The following MPPED1 variants were observed in gnomAD, a reference collection of about 807,000 sequenced individuals.
MPPED1 encodes the protein metallophosphoesterase domain containing 1, also known as metallophosphoesterase domain-containing protein 1.
A neutral mutation model predicts 36.2 loss-of-function variants in MPPED1; 16 were observed. The ratio of observed to expected loss-of-function variants is 0.44; its 90% CI spans 0.30 to 0.67. MPPED1 has a LOEUF of 0.67. Among genes scored for constraint, MPPED1 ranks in the 30% least tolerant of loss-of-function variants. The probability of loss-of-function intolerance (pLI) is 0.10; values close to 1 mark genes in which losing one functional copy is unlikely to be tolerated. For synonymous variants in MPPED1, 199 were observed against 191.3 expected (o/e 1.04, Z -0.33); for missense variants, 307 against 453.4 (o/e 0.68, Z 2.93).
intron 3 of MPPED1, among the ~76,000 whole-genome samples, chr22:43,460,215 A>AAACAAC: frequency 9.1e-6 from 1 of 109,624 alleles, no homozygotes; most frequent in Non-Finnish European, 1.9e-5. Flanking sequence ...CAAAAAACAA[A>AAACAAC]AACAAAAACA....
rs748333149 is a variant in MPPED1, at chr22:43,424,933, C to T, written c.-53C>T. ...TCTGTTTCCAGGTCTGGCGGGGGGC[C>T]GGGCTGCGGTGGCGGCAGCGGTGGG... On this transcript the variant is annotated 5_prime_UTR_variant, in exon 2 of 7. Transcript: ENST00000443721. The T allele has an allele frequency of 4.8e-4, 747 of 1,541,050 alleles. 1 individual carries two copies. The highest frequency in any genetic ancestry group is 5.2e-4 in the Non-Finnish European group (591 of 1,145,240).
chr22:43,416,977 A>G, intron 1 of MPPED1: 3 of 985,402 alleles, frequency 3.0e-6, no homozygotes, highest in Non-Finnish European at 3.6e-6. Flanking sequence ...TTAAAGGAAT[A>G]AGTGAGCAGC....
At chr22:43,417,704 C>G (rs569392318) in intron 1 of MPPED1, 1 of 196,512 alleles carries the variant, frequency 5.1e-6, no homozygotes, top group East Asian at 1.4e-4. Flanking sequence ...CATTTCGCCA[C>G]ATTGCAACAA....
chr22:43,494,513 C>T (rs548949632), intron 4 of MPPED1, among the ~76,000 whole-genome samples: 26 of 152,178 alleles, frequency 1.7e-4, no homozygotes, highest in Non-Finnish European at 3.4e-4. Flanking sequence ...GCCAGTTTCT[C>T]TATGTTATCA....
In MPPED1 at chr22:43,454,787, G is replaced by A. The variant is rs58646520; in HGVS notation, c.406+19572G>A. 5.1e-3 allele frequency among the ~76,000 whole-genome samples: 772 copies of A among 152,268 alleles called. 5 individuals are homozygous for A. The highest frequency in any genetic ancestry group is 0.018 in the African/African-American group (745 of 41,542). ...GCTGGTCTCGAACTCATGACCTCAG[G>A]TGATATGCTTGCTTCAGCCTCCCAG... On this transcript the variant is annotated intron_variant, in intron 3 of 6. Transcript: ENST00000443721.
intron 1 of MPPED1, chr22:43,419,263 G>A (rs971399688): frequency 3.9e-5 from 6 of 152,198 alleles, no homozygotes; most frequent in Non-Finnish European, 5.9e-5. Context: ...ATAAAAAGCC[G>A]ACTGTGTGTT....
At chr22:43,499,749 A>ATGGTGGAGGTGGTGG (rs1238761395) in intron 5 of MPPED1, among the ~76,000 whole-genome samples, 2 of 7,224 alleles carry the variant, frequency 2.8e-4, no homozygotes, top group African/African-American at 3.6e-4. Context: ...GGTGGTGGTG[A>ATGGTGGAGGTGGTGG]TGGTGATGGA....
At chr22:43,469,979 A>G (rs1931310934) in intron 3 of MPPED1, among the ~76,000 whole-genome samples, 1 of 152,022 alleles carries the variant, frequency 6.6e-6, no homozygotes, top group Admixed American at 6.6e-5. Flanking sequence ...CCATCCATCC[A>G]TCTACCCACC....
intron 4 of MPPED1, among the ~76,000 whole-genome samples, chr22:43,481,276 A>G (rs966690530): frequency 1.3e-5 from 2 of 152,138 alleles, no homozygotes; most frequent in African/African-American, 4.8e-5. Flanking sequence ...CCATGTGTAG[A>G]AAGCCTATCC....
rs1932829093 is a variant in MPPED1 at position 43,507,282 on chromosome 22, G to T, written c.*1666G>T. On this transcript the variant is annotated 3_prime_UTR_variant, in exon 7 of 7. Coordinates refer to ENST00000443721, the MANE Select transcript of MPPED1 (RefSeq NM_001044370.2). ...TTGTATTTTTATTTTTAAGGGTCCT[G>T]TTCAAAACTGGTGTGAGCTCTGAGG... is the stretch of plus-strand genomic sequence containing the variant. 6.6e-6 allele frequency: 1 copy of T among 152,200 alleles called. No individual in the cohort carries two copies. The highest frequency in any genetic ancestry group is 2.4e-5 in the African/African-American group (1 of 41,442). The allele number at this position is 152,200 out of a possible 1,614,324, so 9.4% of individuals were successfully genotyped here.
chr22:43,416,031 A>G (rs1197659602), intron 1 of MPPED1, among the ~76,000 whole-genome samples: 4 of 152,206 alleles, frequency 2.6e-5, no homozygotes, highest in African/African-American at 9.6e-5. Flanking sequence ...CCTGCAAAAT[A>G]TATTGCACTG....
chr22:43,458,433 G>A (rs974035337), intron 3 of MPPED1, among the ~76,000 whole-genome samples: 1 of 151,816 alleles, frequency 6.6e-6, no homozygotes, highest in African/African-American at 2.4e-5. Flanking sequence ...TTACAGGCAC[G>A]TGCCACCACA....
chr22:43,485,274 G>A (rs144822596), intron 4 of MPPED1, among the ~76,000 whole-genome samples: 111 of 150,258 alleles, frequency 7.4e-4, no homozygotes, highest in African/African-American at 2.4e-3. Flanking sequence ...ACATCCACAC[G>A]CTCAAACACA....
chr22:43,436,617 C>G (rs116887143), intron 3 of MPPED1, among the ~76,000 whole-genome samples: 3,255 of 152,378 alleles, frequency 0.021, 39 homozygotes, highest in Non-Finnish European at 0.027. Flanking sequence ...CACACTGGCT[C>G]CAGTTCTGGG....
chr22:43,501,430 G>C (rs28608705), intron 5 of MPPED1, among the ~76,000 whole-genome samples: 1 of 151,148 alleles, frequency 6.6e-6, no homozygotes, highest in Non-Finnish European at 1.5e-5. Flanking sequence ...CTCCAAACAT[G>C]GTGTCGTTTG....
chr22:43,500,190 A>G (rs1207728581), intron 5 of MPPED1, among the ~76,000 whole-genome samples: 116 of 11,166 alleles, frequency 0.01, 8 homozygotes, highest in Non-Finnish European at 0.011. Context: ...GGTGATGGTG[A>G]TGGAGGTGGT....
intron 3 of MPPED1, among the ~76,000 whole-genome samples, chr22:43,455,494 G>C (rs1011177002): frequency 3.3e-5 from 5 of 152,090 alleles, no homozygotes; most frequent in Non-Finnish European, 7.4e-5. Context: ...CTCACTAAGG[G>C]TCCTGTCTCT....
intron 3 of MPPED1, among the ~76,000 whole-genome samples, chr22:43,438,453 C>T (rs1930039166): frequency 6.6e-6 from 1 of 152,152 alleles, no homozygotes; most frequent in African/African-American, 2.4e-5. Context: ...CACAGGCCTC[C>T]TGGGCCTCGG....
At chr22:43,422,927 T>C (rs542359239) in intron 1 of MPPED1, among the ~76,000 whole-genome samples, 1 of 152,184 alleles carries the variant, frequency 6.6e-6, no homozygotes, top group South Asian at 2.1e-4. Context: ...ACCTCTGCCT[T>C]CTGGGTTCAA....
Sources: allele counts gnomAD v4.1 joint callset (sites outside exome capture counted in the v4.1 genomes callset), GRCh38; gene constraint gnomAD v4.1.1; transcripts MANE v1.5; gene names NCBI Gene and HGNC (gene_info 2026-07-23, HGNC 2026-07-21).